The following ADAM23 variants were observed in gnomAD, a reference collection of about 807,000 sequenced individuals.
ADAM23 encodes ADAM metallopeptidase domain 23.
ADAM23 carries 33 observed loss-of-function variants against 120.1 expected under a neutral mutation model. The observed-to-expected ratio is 0.27, with a 90% CI of 0.21 to 0.37. ADAM23 has a LOEUF of 0.37. ADAM23 is among the 10% of genes least tolerant of loss of function. ADAM23 has a pLI of 1.00. For synonymous variants in ADAM23, 367 were observed against 375.2 expected (o/e 0.98, Z 0.25); for missense variants, 862 against 1,058.2 (o/e 0.81, Z 2.57).
chr2:206,446,013 AG>A (rs1213188608), intron 2 of ADAM23, among the ~76,000 whole-genome samples: 2 of 152,288 alleles, frequency 1.3e-5, no homozygotes, highest in East Asian at 3.9e-4. Context: ...TTAATTGATC[AG>A]TAGGAGGAAA....
intron 24 of ADAM23, among the ~76,000 whole-genome samples, chr2:206,607,710 A>G (rs1205105315): frequency 1.3e-5 from 2 of 152,166 alleles, no homozygotes; most frequent in Admixed American, 6.5e-5. Flanking sequence ...TATGAGCACT[A>G]GTTTTCTCTT....
chr2:206,454,251 G>C (rs1404362448), intron 2 of ADAM23, among the ~76,000 whole-genome samples: 1 of 152,052 alleles, frequency 6.6e-6, no homozygotes, highest in Non-Finnish European at 1.5e-5. Flanking sequence ...AAGGTGAAGG[G>C]GAAGCAAGCA....
intron 2 of ADAM23, among the ~76,000 whole-genome samples, chr2:206,466,172 A>G (rs1695538825): frequency 6.6e-6 from 1 of 152,198 alleles, no homozygotes; most frequent in East Asian, 1.9e-4. Flanking sequence ...CGGAAAATCA[A>G]AGATAAACAT....
At chr2:206,512,812 A>C (rs116400369) in intron 3 of ADAM23, among the ~76,000 whole-genome samples, 15 of 152,124 alleles carry the variant, frequency 9.9e-5, no homozygotes, top group Admixed American at 2.0e-4. Flanking sequence ...GAGCAAGTCT[A>C]TTGGCACCAT....
chr2:206,606,979 C>A (rs1698740755), intron 24 of ADAM23: 1 of 152,106 alleles, frequency 6.6e-6, no homozygotes, highest in Non-Finnish European at 1.5e-5. Flanking sequence ...TTTCTATAGT[C>A]CCATTAGTTA....
At position 206,596,046 on chromosome 2, in the gene ADAM23, C is replaced by T; in HGVS notation, c.2248-5C>T. On this transcript the variant is annotated splice_region_variant and splice_polypyrimidine_tract_variant and intron_variant, in intron 23 of 25. Coordinates refer to ENST00000264377, the MANE Select transcript of ADAM23 (RefSeq NM_003812.4). ...AATGCCATATCTGTTCCTTTTTCTT[C>T]ACAGGTGTGTAGTAATGAAGCCACC... 2 of 1,606,842 alleles carry T rather than the reference C, an allele frequency of 1.2e-6. No individual in the cohort carries two copies. The highest frequency in any genetic ancestry group is 1.7e-6 in the Non-Finnish European group (2 of 1,174,516).
intron 9 of ADAM23, among the ~76,000 whole-genome samples, chr2:206,556,171 A>G (rs1697638832): frequency 1.3e-5 from 2 of 152,180 alleles, no homozygotes; most frequent in Admixed American, 6.5e-5. Context: ...ACAGTTATGT[A>G]TTCATGAATA....
intron 9 of ADAM23, among the ~76,000 whole-genome samples, chr2:206,553,790 C>A (rs1314086865): frequency 1.3e-5 from 2 of 152,132 alleles, no homozygotes; most frequent in Admixed American, 1.3e-4. Context: ...ACATTTATTT[C>A]TGAATATGTG....
chr2:206,594,513 T>G (rs973527767), intron 22 of ADAM23, among the ~76,000 whole-genome samples: 14 of 152,210 alleles, frequency 9.2e-5, no homozygotes, highest in Non-Finnish European at 1.6e-4. Flanking sequence ...GACATTTTTC[T>G]TGTTGATGTG....
At chr2:206,500,275 C>T (rs531320284) in intron 3 of ADAM23, among the ~76,000 whole-genome samples, 1 of 152,182 alleles carries the variant, frequency 6.6e-6, no homozygotes, top group African/African-American at 2.4e-5. Context: ...GTTTTTGTCT[C>T]TTTCTTTGAA....
intron 3 of ADAM23, among the ~76,000 whole-genome samples, chr2:206,505,706 A>G (rs1559238369): frequency 6.6e-6 from 1 of 152,202 alleles, no homozygotes; most frequent in South Asian, 2.1e-4. Flanking sequence ...CCTACCTTCA[A>G]CATTGGGGAT....
intron 2 of ADAM23, among the ~76,000 whole-genome samples, chr2:206,468,074 C>A (rs971106798): frequency 1.3e-5 from 2 of 152,196 alleles, no homozygotes; most frequent in Admixed American, 1.3e-4. Context: ...TTCAATTCTT[C>A]CCTCCTAGGC....
chr2:206,601,084 G>C (rs917702786), intron 24 of ADAM23, among the ~76,000 whole-genome samples: 2 of 152,122 alleles, frequency 1.3e-5, no homozygotes, highest in Non-Finnish European at 2.9e-5. Context: ...CTGTTACAGG[G>C]AGACCCACAT....
At chr2:206,476,595 G>A (rs544388676) in intron 2 of ADAM23, among the ~76,000 whole-genome samples, 1 of 152,258 alleles carries the variant, frequency 6.6e-6, no homozygotes, top group Admixed American at 6.5e-5. Flanking sequence ...ATCTGAAGTG[G>A]AACAGTTTCA....
intron 2 of ADAM23, among the ~76,000 whole-genome samples, chr2:206,455,077 A>C (rs999706250): frequency 4.6e-5 from 7 of 152,236 alleles, no homozygotes; most frequent in Non-Finnish European, 8.8e-5. Context: ...TCCCCTCTGC[A>C]CTGCCCTCAT....
chr2:206,565,440 G>A (rs1013586043), intron 14 of ADAM23, among the ~76,000 whole-genome samples: 9 of 152,050 alleles, frequency 5.9e-5, no homozygotes, highest in South Asian at 2.1e-4. Flanking sequence ...TAAGGAACTC[G>A]TAAATATATA....
At chr2:206,458,426 G>A (rs16838256) in intron 2 of ADAM23, among the ~76,000 whole-genome samples, 6,153 of 152,310 alleles carry the variant, frequency 0.04, 441 homozygotes, top group African/African-American at 0.14. Context: ...TTGTATGGCT[G>A]CAGATGAGCT....
chr2:206,486,753 A>G (rs1197530188), intron 3 of ADAM23, among the ~76,000 whole-genome samples: 1 of 151,796 alleles, frequency 6.6e-6, no homozygotes, highest in African/African-American at 2.4e-5. Flanking sequence ...CTATCATAAA[A>G]CTCACTTTTC....
At chr2:206,475,684 G>C (rs745604353) in intron 2 of ADAM23, among the ~76,000 whole-genome samples, 3 of 151,828 alleles carry the variant, frequency 2.0e-5, no homozygotes, top group African/African-American at 4.8e-5. Context: ...GGTCCCTCTA[G>C]CATCAAATTA....
Sources: allele counts gnomAD v4.1 joint callset (sites outside exome capture counted in the v4.1 genomes callset), GRCh38; gene constraint gnomAD v4.1.1; transcripts MANE v1.5; gene names NCBI Gene and HGNC (gene_info 2026-07-23, HGNC 2026-07-21).